Variants in PLXNA4 observed in about 807,000 individuals in gnomAD.
PLXNA4 encodes plexin A4, also known as plexin-A4.
A neutral mutation model predicts 191.8 loss-of-function variants in PLXNA4; 44 were observed. The ratio of observed to expected loss-of-function variants is 0.23; its 90% CI spans 0.18 to 0.29. PLXNA4 has a LOEUF of 0.29. Ranked by LOEUF, PLXNA4 falls within the 10% of genes least tolerant of loss-of-function variation. The probability of loss-of-function intolerance (pLI) is 1.00; values close to 1 mark genes in which losing one functional copy is unlikely to be tolerated. For missense variants in PLXNA4, 1,800 were observed against 2,488.8 expected (o/e 0.72, Z 5.89); for synonymous variants, 1,082 against 1,009.5 (o/e 1.07, Z -1.36).
chr7:132,287,651 A>G (rs1265332280), intron 4 of PLXNA4, among the ~76,000 whole-genome samples: 1 of 152,066 alleles, frequency 6.6e-6, no homozygotes, highest in East Asian at 1.9e-4. Flanking sequence ...CACTGTGGTG[A>G]TCATACTCAG....
chr7:132,258,285 G>T (rs1016183137), intron 4 of PLXNA4, among the ~76,000 whole-genome samples: 4 of 152,268 alleles, frequency 2.6e-5, no homozygotes, highest in Admixed American at 2.6e-4. Flanking sequence ...GGGTGGCATT[G>T]GTGACACCAC....
intron 3 of PLXNA4, among the ~76,000 whole-genome samples, chr7:132,487,854 T>G (rs1424998710): frequency 6.6e-6 from 1 of 152,200 alleles, no homozygotes; most frequent in Non-Finnish European, 1.5e-5. Flanking sequence ...ACGAGGAGTC[T>G]GAGGCAGCAA....
intron 3 of PLXNA4, among the ~76,000 whole-genome samples, chr7:132,338,311 A>G (rs1157748988): frequency 6.6e-6 from 1 of 152,240 alleles, no homozygotes; most frequent in Non-Finnish European, 1.5e-5. Flanking sequence ...AAATGCGTAG[A>G]TGAAACTTTA....
chr7:132,394,837 T>C (rs1192227257), intron 3 of PLXNA4, among the ~76,000 whole-genome samples: 1 of 152,216 alleles, frequency 6.6e-6, no homozygotes, highest in Non-Finnish European at 1.5e-5. Context: ...TCTGAGCTCC[T>C]GCCCTTCCTC....
chr7:132,637,065 A>G (rs1273148863), intron 2 of PLXNA4, among the ~76,000 whole-genome samples: 3 of 152,160 alleles, frequency 2.0e-5, no homozygotes, highest in Non-Finnish European at 4.4e-5. Flanking sequence ...GATGAGAGAG[A>G]GGGAATGCAG....
At chr7:132,159,925 G>A (rs905327715) in intron 24 of PLXNA4, among the ~76,000 whole-genome samples, 7 of 152,214 alleles carry the variant, frequency 4.6e-5, no homozygotes, top group Admixed American at 3.3e-4. Flanking sequence ...AAGGGACAAT[G>A]CCCAAGCATG....
intron 3 of PLXNA4, chr7:132,383,610 A>G (rs1236740195): frequency 1.0e-6 from 1 of 984,420 alleles, no homozygotes; most frequent in Non-Finnish European, 1.2e-6. Flanking sequence ...GCCTTTATAA[A>G]CTAAGTTTTC....
In PLXNA4 at chr7:132,594,968, T is replaced by A. The variant is rs879657259; in HGVS notation, c.-87+50960A>T. ...ATAGATAGATAGATAGATAGATAAT[T>A]GATAGATAATAGATAGATAGATAGA... On this transcript the variant is annotated intron_variant, in intron 2 of 4. Transcript: ENST00000378539. Among the ~76,000 whole-genome samples, 224 of 120,932 alleles carry A rather than the reference T, an allele frequency of 1.9e-3. 1 individual carries two copies. The highest frequency in any genetic ancestry group is 5.1e-3 in the East Asian group (21 of 4,148). The allele number at this position is 120,932 out of a possible 152,430, so 79.3% of individuals were successfully genotyped here.
chr7:132,182,520 T>C (rs1796743075), intron 16 of PLXNA4, among the ~76,000 whole-genome samples: 2 of 152,140 alleles, frequency 1.3e-5, no homozygotes, highest in African/African-American at 4.8e-5. Flanking sequence ...TGCAACCCCT[T>C]GGTGTCTCTT....
At position 132,133,154 on chromosome 7, in the gene PLXNA4, G is replaced by A. The variant is rs746262124; in HGVS notation, c.5484C>T (p.Asp1828=). 6.2e-6 allele frequency: 10 copies of A among 1,614,212 alleles called. No individual in the cohort carries two copies. The highest frequency in any genetic ancestry group is 2.2e-5 in the East Asian group (1 of 44,886). The change falls in exon 31 of 32, where the codon GAC becomes GAT. Residue 1828 remains aspartate (D), a synonymous_variant. Transcript: ENST00000321063. ...IGKMPAISDQ[D]MNAYLAEQSR... Reference sequence around the variant, plus strand: ...ACTGCTCAGCCAGGTATGCGTTCATGTCTTGGTCGCTGATGGCTGGCATCT... The same window carrying A: ...ACTGCTCAGCCAGGTATGCGTTCATATCTTGGTCGCTGATGGCTGGCATCT...
intron 3 of PLXNA4, among the ~76,000 whole-genome samples, chr7:132,371,120 G>A (rs1276510450): frequency 2.6e-5 from 4 of 152,160 alleles, no homozygotes; most frequent in Non-Finnish European, 5.9e-5. Flanking sequence ...CATGCCCCGT[G>A]GTTGGGCTGG....
intron 3 of PLXNA4, among the ~76,000 whole-genome samples, chr7:132,373,627 A>T (rs1204043993): frequency 1.3e-5 from 2 of 152,188 alleles, no homozygotes; most frequent in African/African-American, 4.8e-5. Flanking sequence ...ACTTTAAAAC[A>T]AATACACTTG....
At position 132,634,870 on chromosome 7, in the gene PLXNA4, G is replaced by A. The variant is rs559477276; in HGVS notation, c.-87+11058C>T. 2.2e-4 allele frequency among the ~76,000 whole-genome samples: 33 copies of A among 152,294 alleles called. No individual in the cohort carries two copies. The East Asian group carries it at 6.4e-3, about 29-fold the overall frequency. ...TCTCTGTGAGGGTGTTGCCAAAGGA[G>A]ATTAACATTTGAGTCAGTGGGCCAG... On this transcript the variant is annotated intron_variant, in intron 2 of 4. Transcript: ENST00000378539.
chr7:132,349,686 A>C (rs899977890), intron 3 of PLXNA4, among the ~76,000 whole-genome samples: 2 of 152,084 alleles, frequency 1.3e-5, no homozygotes, highest in Admixed American at 6.5e-5. Flanking sequence ...TCCTTCGTGG[A>C]GATCAGGAAC....
intron 3 of PLXNA4, among the ~76,000 whole-genome samples, chr7:132,461,637 A>T (rs540850887): frequency 6.6e-6 from 1 of 152,380 alleles, no homozygotes; most frequent in African/African-American, 2.4e-5. Flanking sequence ...AATGTTTCTG[A>T]TGTGTGGAGA....
At chr7:132,485,061 A>C (rs1446638209) in intron 3 of PLXNA4, 1 of 1,607,486 alleles carries the variant, frequency 6.2e-7, no homozygotes, top group Non-Finnish European at 8.5e-7. Flanking sequence ...GAGAAAAAAA[A>C]ATTAGGAAGA....
At chr7:132,178,880 C>T (rs541097366) in intron 20 of PLXNA4, among the ~76,000 whole-genome samples, 6 of 139,176 alleles carry the variant, frequency 4.3e-5, no homozygotes, top group African/African-American at 1.4e-4. Flanking sequence ...ACACAGCCTC[C>T]AGCACTGCCC....
chr7:132,164,136 G>A lies in PLXNA4; in HGVS notation c.4500+6C>T, dbSNP rs760866887. The A allele has an allele frequency of 5.1e-5, 83 of 1,613,460 alleles. No homozygotes were observed. The highest frequency in any genetic ancestry group is 6.7e-5 in the Non-Finnish European group (79 of 1,180,010). On this transcript the variant is annotated splice_donor_region_variant and intron_variant, in intron 24 of 31. Transcript: ENST00000321063. ...AGCCCCAGGGGAAACAGATGGGTGG[G>A]CTCACCAGGGTTTTGTAGTCAATCT...
intron 5 of PLXNA4, among the ~76,000 whole-genome samples, chr7:132,233,200 T>C (rs1400846834): frequency 6.6e-6 from 1 of 152,210 alleles, no homozygotes; most frequent in African/African-American, 2.4e-5. Context: ...GCTTTGGTCA[T>C]TGTCATCACA....
Sources: gnomAD v4.1 joint callset for allele counts (sites outside exome capture counted in the v4.1 genomes callset) on GRCh38, gnomAD v4.1.1 for gene constraint, MANE v1.5 for transcripts, NCBI Gene and HGNC (gene_info 2026-07-23, HGNC 2026-07-21) for gene names.